Variants in NPAS3 observed in about 807,000 individuals in gnomAD.
The protein encoded by NPAS3 is neuronal PAS domain-containing protein 3.
NPAS3 carries 14 observed loss-of-function variants against 73.1 expected under a neutral mutation model. The ratio of observed to expected loss-of-function variants is 0.19; its 90% CI spans 0.13 to 0.30. NPAS3 has a LOEUF of 0.30. NPAS3 is among the 10% of genes least tolerant of loss of function. The pLI, the probability that NPAS3 is intolerant of heterozygous loss-of-function variation, is 1.00. For missense variants in NPAS3, 1,096 were observed against 1,250.0 expected (o/e 0.88, Z 1.86); for synonymous variants, 620 against 541.5 (o/e 1.14, Z -2.01).
chr14:33,800,035 G>A lies in NPAS3; in HGVS notation c.1728G>A (p.Thr576=). The A allele has an allele frequency of 1.9e-6, 3 of 1,609,442 alleles. No individual in the cohort carries two copies. Among genetic ancestry groups the A allele is most frequent in the Non-Finnish European group, 2.5e-6 (3 of 1,179,484 alleles). ...GGCTGCAGAACTGCGAGTCACTCAC[G>A]TCCGACAGCGCCAAGGACTCGGACA... Residue 576 remains threonine, a synonymous_variant, in exon 12 of 12, where the codon ACG becomes ACA. Coordinates refer to ENST00000356141, the Ensembl canonical transcript of NPAS3. This position sits in a 1 kb window ranked among gnomAD's most constrained non-coding sequence, Gnocchi z 6.5.
At chr14:33,761,547 G>A (rs2062291933) in intron 7 of NPAS3, among the ~76,000 whole-genome samples, 1 of 152,084 alleles carries the variant, frequency 6.6e-6, no homozygotes, top group South Asian at 2.1e-4. Flanking sequence ...TGAACTCAAG[G>A]GGGTTTCAGG....
intron 4 of NPAS3, among the ~76,000 whole-genome samples, chr14:33,489,235 C>T (rs942824720): frequency 7.2e-5 from 11 of 152,104 alleles, no homozygotes; most frequent in Non-Finnish European, 1.2e-4. Flanking sequence ...TCTACTCTTT[C>T]GGATTGACTC....
intron 2 of NPAS3, among the ~76,000 whole-genome samples, chr14:33,136,000 G>A (rs1419754581): frequency 1.3e-5 from 2 of 151,464 alleles, no homozygotes; most frequent in African/African-American, 2.4e-5. Flanking sequence ...TAGACATGGT[G>A]TAAGTGGACC....
chr14:33,487,028 C>T (rs1228417372), intron 4 of NPAS3, among the ~76,000 whole-genome samples: 5 of 152,110 alleles, frequency 3.3e-5, no homozygotes, highest in African/African-American at 1.2e-4. Context: ...TCAAACTCTC[C>T]CCAATATTGC....
intron 3 of NPAS3, among the ~76,000 whole-genome samples, chr14:33,317,327 T>C (rs889473491): frequency 3.9e-5 from 6 of 152,068 alleles, no homozygotes; most frequent in African/African-American, 1.4e-4. Flanking sequence ...CTTCTAGTGA[T>C]CCCAACTCTA....
In NPAS3 at chr14:33,115,318, G is replaced by A. The variant is rs566182461; in HGVS notation, c.140+59324G>A. On this transcript the variant is annotated intron_variant, in intron 2 of 11. Coordinates refer to ENST00000356141, the Ensembl canonical transcript of NPAS3. Reference sequence around the variant, plus strand: ...GGTTTAAGGAAGTAAGGATTAGGAAGGAGGTAGGTGCAGTGAATTCAGGCT... The same window carrying A: ...GGTTTAAGGAAGTAAGGATTAGGAAAGAGGTAGGTGCAGTGAATTCAGGCT... Among the ~76,000 whole-genome samples, 20 of 152,248 alleles carry A rather than the reference G, an allele frequency of 1.3e-4. No homozygotes were observed. The South Asian group carries it at 3.9e-3, about 30-fold the overall frequency.
At chr14:33,726,313 A>G (rs1216177800) in intron 6 of NPAS3, among the ~76,000 whole-genome samples, 1 of 152,198 alleles carries the variant, frequency 6.6e-6, no homozygotes, top group Non-Finnish European at 1.5e-5. Context: ...TTGGTGGCCT[A>G]TATGTCAAGT....
At chr14:33,127,091 GAAA>G (rs35090984) in intron 2 of NPAS3, among the ~76,000 whole-genome samples, 2 of 145,770 alleles carry the variant, frequency 1.4e-5, no homozygotes, top group African/African-American at 5.1e-5. Context: ...CCCTGCTTTT[GAAA>G]AAAAAAAACT....
intron 3 of NPAS3, among the ~76,000 whole-genome samples, chr14:33,230,559 A>G (rs1460397478): frequency 6.6e-6 from 1 of 152,218 alleles, no homozygotes; most frequent in Non-Finnish European, 1.5e-5. Flanking sequence ...CATCTACTCT[A>G]GATTATTAAA....
chr14:32,975,860 CGTGTGTGTGT>C (rs71118522), intron 1 of NPAS3, among the ~76,000 whole-genome samples: 19 of 145,746 alleles, frequency 1.3e-4, no homozygotes, highest in Non-Finnish European at 2.1e-4. Flanking sequence ...TGGTGAGGGG[CGTGTGTGTGT>C]GTGTGTGTGT....
At chr14:33,785,537 G>A (rs556085045) in intron 9 of NPAS3, among the ~76,000 whole-genome samples, 3 of 151,096 alleles carry the variant, frequency 2.0e-5, no homozygotes, top group African/African-American at 2.4e-5. Flanking sequence ...TAATGGCATC[G>A]TGTTCTCAAT....
chr14:32,966,390 A>T (rs985860185), intron 1 of NPAS3, among the ~76,000 whole-genome samples: 1 of 152,214 alleles, frequency 6.6e-6, no homozygotes, highest in African/African-American at 2.4e-5. Flanking sequence ...GCTAGAAATG[A>T]ATCCATGCTT....
intron 3 of NPAS3, among the ~76,000 whole-genome samples, chr14:33,283,715 T>C (rs1336141496): frequency 6.6e-6 from 1 of 152,168 alleles, no homozygotes; most frequent in Admixed American, 6.5e-5. Context: ...AGACTTAGTA[T>C]TTAGGGGAAT....
intron 5 of NPAS3, among the ~76,000 whole-genome samples, chr14:33,664,598 A>C (rs896037737): frequency 1.3e-5 from 2 of 152,220 alleles, no homozygotes; most frequent in African/African-American, 2.4e-5. Context: ...AATGGGAGAA[A>C]ATTTTTGCAA....
At chr14:33,724,503 G>A (rs546474502) in intron 6 of NPAS3, among the ~76,000 whole-genome samples, 24 of 152,014 alleles carry the variant, frequency 1.6e-4, no homozygotes, top group East Asian at 1.9e-4. Flanking sequence ...GCGTGGTGGC[G>A]CCCACCTGTA....
upstream of NPAS3, among the ~76,000 whole-genome samples, chr14:32,935,770 A>G (rs1379583832): frequency 6.6e-6 from 1 of 152,248 alleles, no homozygotes; most frequent in African/African-American, 2.4e-5. Flanking sequence ...AAAGCAATTT[A>G]CCACTACCAA....
chr14:33,089,038 C>CAAAGATCAAAGGTAGATAAAACAACA (rs57623601), intron 2 of NPAS3, among the ~76,000 whole-genome samples: 1 of 144,764 alleles, frequency 6.9e-6, no homozygotes, highest in Non-Finnish European at 1.5e-5. Context: ...TCACCATCAT[C>CAAAGATCAAAGGTAGATAAAACAACA]AAGATGAGGA....
intron 2 of NPAS3, among the ~76,000 whole-genome samples, chr14:33,200,471 C>A (rs1309307391): frequency 6.6e-6 from 1 of 152,002 alleles, no homozygotes; most frequent in African/African-American, 2.4e-5. Context: ...TTTGCCATAT[C>A]TTTAATGTCA....
At chr14:33,650,291 T>C (rs1375381129) in intron 5 of NPAS3, among the ~76,000 whole-genome samples, 2 of 152,124 alleles carry the variant, frequency 1.3e-5, no homozygotes, top group African/African-American at 4.8e-5. Flanking sequence ...GACATAGAAT[T>C]ATTGCTGCAC....
Sources: gnomAD v4.1 joint callset for allele counts (sites outside exome capture counted in the v4.1 genomes callset) on GRCh38, gnomAD v4.1.1 for gene constraint, Gnocchi (gnomAD v3.1) non-coding constraint, MANE v1.5 for transcripts, NCBI Gene and HGNC (gene_info 2026-07-23, HGNC 2026-07-21) for gene names.